CTDSPL2: variants seen among roughly 807,000 people sequenced by gnomAD.
CTDSPL2 encodes the protein CTD small phosphatase-like protein 2.
Under a neutral mutation model 60.0 loss-of-function variants are expected in CTDSPL2, and 5 were observed. That is an observed-to-expected ratio of 0.08 (90% CI 0.04 to 0.18). The LOEUF (loss-of-function observed/expected upper bound fraction) is 0.18, where lower values mean the gene tolerates loss of function less well. Ranked by LOEUF, CTDSPL2 falls within the 10% of genes least tolerant of loss-of-function variation. CTDSPL2 has a pLI of 1.00. For synonymous variants in CTDSPL2, 186 were observed against 189.3 expected (o/e 0.98, Z 0.14); for missense variants, 370 against 548.8 (o/e 0.67, Z 3.26).
At position 44,490,836 on chromosome 15, in the gene CTDSPL2, A is replaced by G; in HGVS notation, c.528A>G (p.Val176=). 1.9e-6 allele frequency: 3 copies of G among 1,613,778 alleles called. No individual in the cohort carries two copies. Among genetic ancestry groups the G allele is most frequent in the Non-Finnish European group, 2.5e-6 (3 of 1,179,996 alleles). Residue 176 remains valine (V), a synonymous_variant, in exon 5 of 13, where the codon GTA becomes GTG. Coordinates refer to ENST00000260327, the MANE Select transcript of CTDSPL2 (RefSeq NM_016396.3). The part of the protein sequence containing the change: ...PGQAVEAEEI[V]KQLDMEQVDE... ...AGGCTGTGGAAGCTGAAGAAATAGT[A>G]AAACAACTTGATATGGAACAGGTGG...
intron 2 of CTDSPL2, among the ~76,000 whole-genome samples, chr15:44,479,473 C>T (rs1179916985): frequency 1.8e-4 from 23 of 129,950 alleles, no homozygotes; most frequent in African/African-American, 6.6e-4. Flanking sequence ...GTGGCATGGT[C>T]ATGGCTCACT....
intron 11 of CTDSPL2, chr15:44,520,983 G>A (rs1397682051): frequency 6.1e-6 from 1 of 163,718 alleles, no homozygotes; most frequent in African/African-American, 2.4e-5. Flanking sequence ...ACCTAGCATT[G>A]TACTAATTGT....
chr15:44,475,090 C>T (rs1449737868), intron 2 of CTDSPL2, among the ~76,000 whole-genome samples: 1 of 151,974 alleles, frequency 6.6e-6, no homozygotes, highest in African/African-American at 2.4e-5. Context: ...CAAATAAATA[C>T]ATGTAGGCAA....
At chr15:44,509,352 C>T (rs2081527097) in intron 8 of CTDSPL2, among the ~76,000 whole-genome samples, 1 of 152,054 alleles carries the variant, frequency 6.6e-6, no homozygotes, top group Admixed American at 6.6e-5. Flanking sequence ...CAGGCGTGCA[C>T]CACCACCATG....
intron 1 of CTDSPL2, among the ~76,000 whole-genome samples, chr15:44,429,387 G>A (rs2079811688): frequency 6.6e-6 from 1 of 152,170 alleles, no homozygotes; most frequent in African/African-American, 2.4e-5. Flanking sequence ...TTGGTCTAGT[G>A]TGTAGGTTTT....
intron 4 of CTDSPL2, among the ~76,000 whole-genome samples, chr15:44,487,130 G>A (rs933864090): frequency 9.9e-5 from 15 of 151,986 alleles, no homozygotes; most frequent in Non-Finnish European, 1.2e-4. Flanking sequence ...TCAATGTCTC[G>A]TGTATGTTTT....
chr15:44,516,572 C>T (rs1372289561), intron 10 of CTDSPL2: 2 of 152,078 alleles, frequency 1.3e-5, no homozygotes, highest in Admixed American at 1.3e-4. Context: ...AAAGTATACC[C>T]AGTGATTTTG....
intron 4 of CTDSPL2, 129 bp downstream of exon 4, chr15:44,486,829 TCC>T (rs2081129764): frequency 6.6e-6 from 4 of 608,086 alleles, no homozygotes; most frequent in Non-Finnish European, 1.1e-5. Flanking sequence ...TGACGCGATC[TCC>T]CCGCTCACTG....
intron 2 of CTDSPL2, among the ~76,000 whole-genome samples, chr15:44,460,100 AATTTT>A (rs1196864662): frequency 6.6e-6 from 1 of 152,018 alleles, no homozygotes; most frequent in Non-Finnish European, 1.5e-5. Context: ...CAGTTGGATG[AATTTT>A]ATTTTATTTT....
intron 8 of CTDSPL2, among the ~76,000 whole-genome samples, chr15:44,513,700 C>T (rs943096762): frequency 3.9e-5 from 6 of 151,990 alleles, no homozygotes; most frequent in African/African-American, 1.2e-4. Flanking sequence ...ACTTGTTATT[C>T]GTGGTATTTG....
intron 1 of CTDSPL2, among the ~76,000 whole-genome samples, chr15:44,436,755 C>G (rs955610551): frequency 2.0e-5 from 3 of 152,098 alleles, no homozygotes; most frequent in Non-Finnish European, 2.9e-5. Context: ...CAAATCTTGA[C>G]TTTGTTGCCT....
Position 44,491,002 on chromosome 15 carries a change from G to A in CTDSPL2, c.691+3G>A, listed in dbSNP as rs749694507. On this transcript the variant is annotated splice_donor_region_variant and intron_variant, in intron 5 of 12. Transcript: ENST00000260327. ...TCGTGATATCCCACCCCTTACAGGT[G>A]AAGAAAATTTCTTTTCTTATACATC... 3.7e-6 allele frequency: 6 copies of A among 1,607,326 alleles called. No individual in the cohort carries two copies. In the South Asian group the frequency reaches 6.7e-5, roughly 18 times the overall value.
chr15:44,442,023 CT>C (rs1239387613), intron 1 of CTDSPL2, among the ~76,000 whole-genome samples: 1 of 152,170 alleles, frequency 6.6e-6, no homozygotes, highest in Non-Finnish European at 1.5e-5. Flanking sequence ...GCTTTTTCTT[CT>C]TCCCTAAGTG....
chr15:44,517,923 G>A (rs556455427), intron 10 of CTDSPL2, among the ~76,000 whole-genome samples: 76 of 152,076 alleles, frequency 5.0e-4, no homozygotes, highest in Non-Finnish European at 8.7e-4. Context: ...AAACTTTCCC[G>A]GGGCCAGATG....
At chr15:44,435,671 A>G (rs2079965113) in intron 1 of CTDSPL2, among the ~76,000 whole-genome samples, 1 of 148,964 alleles carries the variant, frequency 6.7e-6, no homozygotes, top group African/African-American at 2.5e-5. Context: ...CAGTGGCGCA[A>G]TCTGAGCTCA....
chr15:44,482,371 C>G (rs932253110), intron 2 of CTDSPL2, among the ~76,000 whole-genome samples: 1 of 152,320 alleles, frequency 6.6e-6, no homozygotes, highest in South Asian at 2.1e-4. Flanking sequence ...CCCAACATAC[C>G]TCTCTCCCCT....
chr15:44,447,706 T>C, intron 1 of CTDSPL2: 1 of 153,504 alleles, frequency 6.5e-6, no homozygotes, highest in Middle Eastern at 1.5e-3. Flanking sequence ...ATTCTTCATC[T>C]TGATGTTGGG....
At chr15:44,432,489 T>C (rs2079880123) in intron 1 of CTDSPL2, among the ~76,000 whole-genome samples, 1 of 151,822 alleles carries the variant, frequency 6.6e-6, no homozygotes, top group Admixed American at 6.6e-5. Context: ...TCGGCTAATT[T>C]TTGTATTTTT....
Position 44,454,379 on chromosome 15 carries a change from C to T in CTDSPL2, c.-24-4612C>T, listed in dbSNP as rs559203363. On this transcript the variant is annotated intron_variant, in intron 1 of 12. Coordinates refer to ENST00000260327, the MANE Select transcript of CTDSPL2 (RefSeq NM_016396.3). ...ATTTTTCTCCCATTCTGTAGGTTGC[C>T]TGTTTACTCTGATGGTAGTTTCTTT... Among the ~76,000 whole-genome samples, 6 of 152,140 alleles carry T rather than the reference C, an allele frequency of 3.9e-5. No homozygotes were observed. The East Asian group carries it at 1.2e-3, about 29-fold the overall frequency.
Sources: gnomAD v4.1 joint callset for allele counts (sites outside exome capture counted in the v4.1 genomes callset) on GRCh38, gnomAD v4.1.1 for gene constraint, MANE v1.5 for transcripts, NCBI Gene and HGNC (gene_info 2026-07-23, HGNC 2026-07-21) for gene names.